Variants in FBXL17 observed in about 807,000 individuals in gnomAD.
FBXL17 encodes F-box and leucine rich repeat protein 17, also known as F-box/LRR-repeat protein 17.
A neutral mutation model predicts 66.2 loss-of-function variants in FBXL17; 22 were observed. The ratio of observed to expected loss-of-function variants is 0.33; its 90% CI spans 0.24 to 0.47. The LOEUF (loss-of-function observed/expected upper bound fraction) is 0.47. FBXL17 is among the 20% of genes least tolerant of loss of function. The pLI, the probability that FBXL17 is intolerant of heterozygous loss-of-function variation, is 1.00. For synonymous variants in FBXL17, 474 were observed against 400.5 expected (o/e 1.18, Z -2.19); for missense variants, 878 against 948.2 (o/e 0.93, Z 0.97).
chr5:108,207,491 C>A (rs1754171539), intron 5 of FBXL17, among the ~76,000 whole-genome samples: 1 of 152,080 alleles, frequency 6.6e-6, no homozygotes, highest in African/African-American at 2.4e-5. Context: ...CACCCCAGCC[C>A]CCAACAGGCC....
chr5:108,089,385 C>T lies in FBXL17; in HGVS notation c.1746-68384G>A, dbSNP rs1037954477. On this transcript the variant is annotated intron_variant, in intron 6 of 8. Transcript: ENST00000542267. Reference sequence around the variant, plus strand: ...TTTTTCCTATACCTGGCCACAGGAGCTGATTTTCACTCTTAACTCCTACCA... The same window carrying T: ...TTTTTCCTATACCTGGCCACAGGAGTTGATTTTCACTCTTAACTCCTACCA... Among the ~76,000 whole-genome samples, 79 of 152,320 alleles carry T rather than the reference C, an allele frequency of 5.2e-4. 2 individuals are homozygous for T. Among genetic ancestry groups the T allele is most frequent in the African/African-American group, 1.9e-3 (78 of 41,574 alleles).
chr5:108,142,830 G>GCA (rs1561431289), intron 6 of FBXL17, among the ~76,000 whole-genome samples: 3 of 152,052 alleles, frequency 2.0e-5, no homozygotes, highest in African/African-American at 7.2e-5. Flanking sequence ...AGCAGCAGCA[G>GCA]GGGCATAAGA....
At chr5:108,200,857 A>C (rs1753864050) in intron 5 of FBXL17, among the ~76,000 whole-genome samples, 1 of 152,194 alleles carries the variant, frequency 6.6e-6, no homozygotes, top group African/African-American at 2.4e-5. Context: ...GAGAGCAAAC[A>C]TGTGAAGAGC....
chr5:108,338,275 G>T (rs766460836), intron 4 of FBXL17, among the ~76,000 whole-genome samples: 1 of 151,974 alleles, frequency 6.6e-6, no homozygotes, highest in Non-Finnish European at 1.5e-5. Context: ...ATAAATATAT[G>T]CCTTCTTCTT....
chr5:108,012,688 G>C (rs1754222292), intron 7 of FBXL17, among the ~76,000 whole-genome samples: 1 of 152,200 alleles, frequency 6.6e-6, no homozygotes, highest in South Asian at 2.1e-4. Flanking sequence ...AGCTATCCAG[G>C]TCTCAGTTTC....
chr5:108,213,873 T>A (rs1262727040), intron 5 of FBXL17, among the ~76,000 whole-genome samples: 1 of 152,256 alleles, frequency 6.6e-6, no homozygotes, highest in Non-Finnish European at 1.5e-5. Context: ...GCTTATTTTC[T>A]TACTTAGTTT....
rs112839614 is a variant in FBXL17, at chr5:108,083,220, C to G, written c.1746-62219G>C. On this transcript the variant is annotated intron_variant, in intron 6 of 8. Coordinates refer to ENST00000542267, the MANE Select transcript of FBXL17 (RefSeq NM_001163315.3). ...CTTCTCCCTCACCCTCACCTCAGAA[C>G]ACACACACACACACACACACACACA... Among the ~76,000 whole-genome samples, 448 of 117,962 alleles carry G rather than the reference C, an allele frequency of 3.8e-3. 2 individuals are homozygous for G. The highest frequency in any genetic ancestry group is 0.017 in the African/African-American group (433 of 25,776). The allele number at this position is 117,962 out of a possible 152,430, so 77.4% of individuals were successfully genotyped here. A position where few individuals can be genotyped will look rare whatever the true frequency, so the allele number is the denominator to read the frequency against.
chr5:108,142,516 G>A (rs770644054), intron 6 of FBXL17, among the ~76,000 whole-genome samples: 1 of 152,094 alleles, frequency 6.6e-6, no homozygotes. Flanking sequence ...GCATTCACAA[G>A]AGCACCTCTG....
At chr5:108,044,396 G>A (rs1473489636) in intron 6 of FBXL17, among the ~76,000 whole-genome samples, 1 of 152,080 alleles carries the variant, frequency 6.6e-6, no homozygotes, top group East Asian at 1.9e-4. Context: ...TATTATTAAT[G>A]GATATTAAAT....
intron 6 of FBXL17, among the ~76,000 whole-genome samples, chr5:108,024,645 G>C (rs1322702850): frequency 6.6e-6 from 1 of 152,040 alleles, no homozygotes; most frequent in Non-Finnish European, 1.5e-5. Context: ...AACAGCTGTT[G>C]AGTACATATA....
In FBXL17 at chr5:107,997,477, C is replaced by A. The variant is rs575450053; in HGVS notation, c.1822+23448G>T. Among the ~76,000 whole-genome samples, 40 of 152,284 alleles carry A rather than the reference C, an allele frequency of 2.6e-4. No homozygotes were observed. In the South Asian group the frequency reaches 8.1e-3, roughly 31 times the overall value. ...CATGGGTGTCCAAGACCCCTCCAGG[C>A]ATCTTAATGAGGGAACAGTGCTTCT... On this transcript the variant is annotated intron_variant, in intron 7 of 8. Coordinates refer to ENST00000542267, the MANE Select transcript of FBXL17 (RefSeq NM_001163315.3).
intron 4 of FBXL17, among the ~76,000 whole-genome samples, chr5:108,335,238 C>CCAA (rs1246683493): frequency 2.1e-5 from 3 of 145,606 alleles, no homozygotes; most frequent in African/African-American, 7.7e-5. Flanking sequence ...CACCCCCCCC[C>CCAA]AACACACAAC....
intron 4 of FBXL17, among the ~76,000 whole-genome samples, chr5:108,259,451 TG>T (rs1334470094): frequency 1.3e-5 from 2 of 152,170 alleles, no homozygotes; most frequent in African/African-American, 4.8e-5. Flanking sequence ...CAGAGAGCCC[TG>T]GAAGTAAAGT....
At chr5:108,258,043 G>C (rs1231273527) in intron 4 of FBXL17, among the ~76,000 whole-genome samples, 2 of 152,120 alleles carry the variant, frequency 1.3e-5, no homozygotes, top group Non-Finnish European at 2.9e-5. Flanking sequence ...ATGATACATA[G>C]AGCATACTAT....
At chr5:108,190,838 G>A (rs184477063) in intron 5 of FBXL17, among the ~76,000 whole-genome samples, 39 of 152,060 alleles carry the variant, frequency 2.6e-4, no homozygotes, top group East Asian at 1.7e-3. Flanking sequence ...TTTATAGGGC[G>A]TTTTTGATCT....
intron 5 of FBXL17, among the ~76,000 whole-genome samples, chr5:108,195,729 C>G (rs1346089282): frequency 1.3e-5 from 2 of 152,006 alleles, no homozygotes; most frequent in African/African-American, 4.8e-5. Context: ...TGACTTGGAC[C>G]ACTGTGACAG....
chr5:108,190,447 T>C (rs1198109204), intron 5 of FBXL17, among the ~76,000 whole-genome samples: 1 of 152,168 alleles, frequency 6.6e-6, no homozygotes, highest in East Asian at 1.9e-4. Context: ...CTAAATTTCT[T>C]AAACCAACCC....
intron 4 of FBXL17, among the ~76,000 whole-genome samples, chr5:108,290,542 AAAG>A (rs1758068429): frequency 1.3e-5 from 2 of 152,164 alleles, no homozygotes; most frequent in Admixed American, 1.3e-4. Context: ...AATATTGTAA[AAAG>A]AACATGCTAC....
intron 5 of FBXL17, among the ~76,000 whole-genome samples, chr5:108,209,068 T>C (rs1336885348): frequency 6.6e-6 from 1 of 152,178 alleles, no homozygotes; most frequent in Non-Finnish European, 1.5e-5. Context: ...ATTATCTTTG[T>C]AGCAATTGCG....
Sources: gnomAD v4.1 joint callset for allele counts (sites outside exome capture counted in the v4.1 genomes callset) on GRCh38, gnomAD v4.1.1 for gene constraint, MANE v1.5 for transcripts, NCBI Gene and HGNC (gene_info 2026-07-23, HGNC 2026-07-21) for gene names.